Variants in SRGAP3 observed in about 807,000 individuals in gnomAD.
SRGAP3 encodes SLIT-ROBO Rho GTPase-activating protein 3.
A neutral mutation model predicts 121.1 loss-of-function variants in SRGAP3; 39 were observed. The observed-to-expected ratio is 0.32, with a 90% CI of 0.25 to 0.42. The LOEUF (loss-of-function observed/expected upper bound fraction) is 0.42. Among genes scored for constraint, SRGAP3 ranks in the 10% least tolerant of loss-of-function variants. SRGAP3 has a pLI of 1.00. For synonymous variants in SRGAP3, 601 were observed against 570.0 expected, an observed-to-expected ratio of 1.05 and a Z score of -0.77; for missense variants, 1,213 against 1,470.6, an observed-to-expected ratio of 0.82 and a Z score of 2.86.
rs2125194119 is a variant in SRGAP3 at position 9,218,702 on chromosome 3, C to T, written c.67+30183G>A. 1 of 151,924 alleles carries T rather than the reference C, an allele frequency of 6.6e-6. No homozygotes were observed. Among genetic ancestry groups the T allele is most frequent in the South Asian group, 2.1e-4 (1 of 4,802 alleles). 9.4% of individuals were successfully genotyped at this position (151,924 alleles called of 1,614,324 possible). A position where few individuals can be genotyped will look rare whatever the true frequency, so the allele number is the denominator to read the frequency against. On this transcript the variant is annotated intron_variant, in intron 1 of 21. Transcript: ENST00000383836. This position sits in a 1 kb window ranked among gnomAD's most constrained non-coding sequence, Gnocchi z 5.3. ...TTACTTTTTGAGATGGAGTCTCACT[C>T]TGTTGCCCAGGCTGGAGTGTAGTGT...
chr3:9,131,737 C>T (rs1265342243), intron 1 of SRGAP3, among the ~76,000 whole-genome samples: 1 of 152,122 alleles, frequency 6.6e-6, no homozygotes, highest in Non-Finnish European at 1.5e-5. Context: ...CCACTGCACC[C>T]GGCCGTAAGA....
At chr3:9,120,019 G>A (rs1948946476) in intron 2 of SRGAP3, among the ~76,000 whole-genome samples, 1 of 152,224 alleles carries the variant, frequency 6.6e-6, no homozygotes, top group East Asian at 1.9e-4. Flanking sequence ...AGTTATACGG[G>A]AGAGATAATC....
intron 1 of SRGAP3, among the ~76,000 whole-genome samples, chr3:9,242,077 CAAAAAA>C (rs142186507): frequency 8.8e-5 from 6 of 68,516 alleles, no homozygotes; most frequent in Admixed American, 1.6e-4. Flanking sequence ...CACCCTAATT[CAAAAAA>C]AAAAAAAAAA....
intron 18 of SRGAP3, among the ~76,000 whole-genome samples, chr3:9,005,981 G>A (rs554947923): frequency 2.6e-5 from 4 of 152,320 alleles, no homozygotes; most frequent in South Asian, 4.1e-4. Flanking sequence ...AGGGTCCTTC[G>A]TAGGTATAAG....
intron 3 of SRGAP3, among the ~76,000 whole-genome samples, chr3:9,266,643 T>G (rs141083512): frequency 1.0e-3 from 144 of 143,314 alleles, no homozygotes; most frequent in African/African-American, 3.5e-3. Context: ...TTTTGTTTTG[T>G]TTTGGTTTGG....
At position 9,096,600 on chromosome 3, in the gene SRGAP3, T is replaced by C. The variant is rs1031289550; in HGVS notation, c.423+8080A>G. Among the ~76,000 whole-genome samples the C allele has an allele frequency of 2.0e-5, 3 of 152,000 alleles. No homozygotes were observed. The East Asian group carries it at 5.8e-4, about 29-fold the overall frequency. ...TGATGAAAAATCAGAAGCATGCCTT[T>C]TAAGAGTCAAGGGTGCCACTTCCCT... On this transcript the variant is annotated intron_variant, in intron 3 of 21. Coordinates refer to ENST00000383836, the MANE Select transcript of SRGAP3 (RefSeq NM_014850.4).
intron 12 of SRGAP3, among the ~76,000 whole-genome samples, chr3:9,031,362 A>G (rs1426833963): frequency 6.6e-6 from 1 of 152,064 alleles, no homozygotes; most frequent in African/African-American, 2.4e-5. Flanking sequence ...CCCTCCCATG[A>G]CCCAGTAAAC....
chr3:9,261,492 A>C (rs374611581), intron 3 of SRGAP3, among the ~76,000 whole-genome samples: 12 of 152,224 alleles, frequency 7.9e-5, no homozygotes, highest in Admixed American at 5.9e-4. Context: ...TAACCAGTTT[A>C]GAAAAGAACA....
At chr3:9,284,730 G>A (rs1559259431) in intron 3 of SRGAP3, among the ~76,000 whole-genome samples, 1 of 150,588 alleles carries the variant, frequency 6.6e-6, no homozygotes, top group Non-Finnish European at 1.5e-5. Flanking sequence ...CTACTCGGGA[G>A]ACTGACACAG....
At chr3:9,125,106 C>A in intron 1 of SRGAP3, 189 bp from the exon 2 acceptor site, 2 of 673,062 alleles carry the variant, frequency 3.0e-6, no homozygotes, top group South Asian at 3.7e-5. Flanking sequence ...CTCTCTTGCT[C>A]GTTTTTGCCA....
At chr3:9,060,190 G>A in intron 6 of SRGAP3, 41 bp downstream of exon 6, 1 of 1,613,406 alleles carries the variant, frequency 6.2e-7, no homozygotes, top group Non-Finnish European at 8.5e-7. Flanking sequence ...GCCAGCCCTG[G>A]TGTGGGCCCT....
At chr3:9,215,106 A>G (rs1041221027) in intron 1 of SRGAP3, among the ~76,000 whole-genome samples, 7 of 152,220 alleles carry the variant, frequency 4.6e-5, no homozygotes, top group Non-Finnish European at 8.8e-5. Context: ...TCTATTTTAC[A>G]TATTCAAAAA....
chr3:9,328,654 T>TA (rs1445990390), intron 2 of SRGAP3, among the ~76,000 whole-genome samples: 1 of 152,134 alleles, frequency 6.6e-6, no homozygotes, highest in Non-Finnish European at 1.5e-5. Context: ...AAATTTAAAA[T>TA]AGTCTGTGGA....
chr3:9,047,431 C>A lies in SRGAP3; in HGVS notation c.1368G>T (p.Leu456=), dbSNP rs1187494459. The change falls in exon 10 of 22, where the codon CTG becomes CTT. Residue 456 remains leucine (L), a synonymous_variant. Transcript: ENST00000383836. ...GCTTGAGTAAATCGTGCTTGGCCTG[C>A]AGCTTGGTGATGAGGTTACTGCCAT... is the stretch of plus-strand genomic sequence containing the variant. ...YVNGSNLITK[L]QAKHDLLKQT... The A allele has an allele frequency of 2.0e-5, 33 of 1,614,060 alleles. No individual in the cohort carries two copies. Among genetic ancestry groups the A allele is most frequent in the Non-Finnish European group, 2.7e-5 (32 of 1,180,046 alleles).
At chr3:9,043,691 A>AT (rs1043246641) in intron 10 of SRGAP3, among the ~76,000 whole-genome samples, 3 of 152,130 alleles carry the variant, frequency 2.0e-5, no homozygotes, top group Non-Finnish European at 4.4e-5. Context: ...ACCTGTTGGG[A>AT]TTTTAAAAAT....
intron 14 of SRGAP3, chr3:9,016,086 T>C: frequency 6.4e-6 from 2 of 310,114 alleles, no homozygotes; most frequent in East Asian, 7.5e-5. Flanking sequence ...CGCTAACTAC[T>C]TCAACACACT....
chr3:9,188,893 T>A (rs952377979), intron 1 of SRGAP3, among the ~76,000 whole-genome samples: 10 of 152,222 alleles, frequency 6.6e-5, no homozygotes, highest in Non-Finnish European at 1.2e-4. Flanking sequence ...GGGAATTCTC[T>A]TTACATTATT....
chr3:9,332,963 C>A (rs1358282902), intron 1 of SRGAP3, among the ~76,000 whole-genome samples: 3 of 152,154 alleles, frequency 2.0e-5, no homozygotes, highest in Non-Finnish European at 2.9e-5. Flanking sequence ...ACCCACTATA[C>A]CAAGAGATGT....
chr3:9,246,073 G>C (rs945579843), intron 1 of SRGAP3, among the ~76,000 whole-genome samples: 20 of 152,314 alleles, frequency 1.3e-4, no homozygotes, highest in African/African-American at 4.3e-4. Context: ...TCAAGTATCT[G>C]ATGAGGCAAG....
Sources: gnomAD v4.1 joint callset for allele counts (sites outside exome capture counted in the v4.1 genomes callset) on GRCh38, gnomAD v4.1.1 for gene constraint, Gnocchi (gnomAD v3.1) non-coding constraint, MANE v1.5 for transcripts, NCBI Gene and HGNC (gene_info 2026-07-23, HGNC 2026-07-21) for gene names.